Variants in MYO5C observed in about 807,000 individuals in gnomAD.
The protein encoded by MYO5C is myosin VC.
A neutral mutation model predicts 235.7 loss-of-function variants in MYO5C; 194 were observed. The ratio of observed to expected loss-of-function variants is 0.82; its 90% confidence interval spans 0.73 to 0.93. The LOEUF is 0.93. Among genes scored for constraint, MYO5C ranks in the 40% least tolerant of loss-of-function variants. The pLI, the probability that MYO5C is intolerant of heterozygous loss-of-function variation, is 0.00. For missense variants in MYO5C, 2,038 were observed against 2,127.2 expected, an observed-to-expected ratio of 0.96 and a Z score of 0.82; for synonymous variants, 707 against 754.8, an observed-to-expected ratio of 0.94 and a Z score of 1.04.
chr15:52,282,379 A>C (rs1367725003), intron 2 of MYO5C, among the ~76,000 whole-genome samples: 3 of 152,052 alleles, frequency 2.0e-5, no homozygotes, highest in African/African-American at 7.2e-5. Context: ...TTTCTCTACC[A>C]GCGTATGCCT....
At chr15:52,196,196 C>T (rs1190634112) in intron 39 of MYO5C, 113 bp downstream of exon 39, 9 of 1,002,314 alleles carry the variant, frequency 9.0e-6, no homozygotes, top group East Asian at 2.7e-5. Flanking sequence ...GGTATGCTCC[C>T]GAGAGTACAC....
At chr15:52,290,195 C>T (rs2037357151) in intron 1 of MYO5C, among the ~76,000 whole-genome samples, 3 of 152,182 alleles carry the variant, frequency 2.0e-5, no homozygotes, top group Admixed American at 2.0e-4. Context: ...CTTCCCATAA[C>T]TAGCACTCCA....
At chr15:52,267,006 T>C (rs1382291016) in intron 8 of MYO5C, among the ~76,000 whole-genome samples, 1 of 152,242 alleles carries the variant, frequency 6.6e-6, no homozygotes, top group Non-Finnish European at 1.5e-5. Flanking sequence ...CTTCTAAGTC[T>C]GTGCACAGGC....
chr15:52,273,193 T>C (rs7165061), intron 5 of MYO5C, among the ~76,000 whole-genome samples: 3,952 of 152,034 alleles, frequency 0.026, 176 homozygotes, highest in African/African-American at 0.09. Context: ...CATGGTGGTG[T>C]GTGCCTGTAG....
At chr15:52,247,101 T>C in intron 15 of MYO5C, 87 bp from the exon 16 acceptor site, 1 of 1,152,178 alleles carries the variant, frequency 8.7e-7, no homozygotes, top group Non-Finnish European at 1.3e-6. Flanking sequence ...CTTGTTAAGT[T>C]ACTCAATAGG....
intron 1 of MYO5C, among the ~76,000 whole-genome samples, chr15:52,285,125 T>C (rs201671149): frequency 5.3e-5 from 8 of 152,180 alleles, no homozygotes; most frequent in African/African-American, 1.9e-4. Context: ...CCCAGCACTT[T>C]GGGAGACCCA....
intron 13 of MYO5C, 76 bp from the exon 14 acceptor site, chr15:52,248,859 T>C: frequency 4.9e-6 from 5 of 1,018,940 alleles, no homozygotes; most frequent in African/African-American, 3.3e-5. Flanking sequence ...TCATCTCTTT[T>C]TTAAGAAAGA....
intron 2 of MYO5C, 111 bp downstream of exon 2, chr15:52,282,671 C>G (rs576690692): frequency 2.2e-5 from 16 of 732,756 alleles, no homozygotes; most frequent in African/African-American, 5.1e-5. Context: ...GGTGCCCACT[C>G]GTGCGCCCTC....
At chr15:52,199,735 C>G (rs187787452) in intron 38 of MYO5C, among the ~76,000 whole-genome samples, 1 of 152,222 alleles carries the variant, frequency 6.6e-6, no homozygotes, top group East Asian at 1.9e-4. Context: ...GCAGTGGTGG[C>G]GAAGGAGGCC....
At chr15:52,196,836 C>G (rs977238199) in intron 38 of MYO5C, among the ~76,000 whole-genome samples, 3 of 152,192 alleles carry the variant, frequency 2.0e-5, no homozygotes, top group Non-Finnish European at 4.4e-5. Context: ...TTTTCTTTTT[C>G]CTGAATTGGC....
chr15:52,229,455 C>A, intron 24 of MYO5C, 142 bp from the exon 25 acceptor site: 1 of 716,224 alleles, frequency 1.4e-6, no homozygotes, highest in Non-Finnish European at 2.2e-6. Context: ...GAGACCCCGT[C>A]CCCACTAAAA....
At chr15:52,248,452 G>T (rs2036400457) in intron 14 of MYO5C, among the ~76,000 whole-genome samples, 1 of 152,162 alleles carries the variant, frequency 6.6e-6, no homozygotes, top group Non-Finnish European at 1.5e-5. Context: ...GGCTGGAATT[G>T]TGATTCTTCA....
Position 52,204,845 on chromosome 15 carries a change from C to G in MYO5C, c.4820+20G>C. ...CTTTCTGCAGGCCTCTCCGCGTGAG[C>G]GGAGGTTTCTGGGTTTTACCTGATC... On this transcript the variant is annotated intron_variant, in intron 38 of 40. Coordinates refer to ENST00000261839, the MANE Select transcript of MYO5C (RefSeq NM_018728.4). 2 of 1,610,322 alleles carry G rather than the reference C, an allele frequency of 1.2e-6. No homozygotes were observed. The highest frequency in any genetic ancestry group is 3.3e-4 in the Middle Eastern group (2 of 6,052).
intron 32 of MYO5C, among the ~76,000 whole-genome samples, chr15:52,216,518 C>T (rs1455604438): frequency 6.6e-6 from 1 of 152,026 alleles, no homozygotes; most frequent in African/African-American, 2.4e-5. Context: ...AGGCCCAGGT[C>T]TCTGTTAATT....
intron 1 of MYO5C, among the ~76,000 whole-genome samples, chr15:52,288,614 A>G (rs554487644): frequency 4.1e-4 from 63 of 152,282 alleles, no homozygotes; most frequent in African/African-American, 1.5e-3. Flanking sequence ...TCTACCCACA[A>G]AGCAATGCTT....
chr15:52,277,788 G>C, intron 4 of MYO5C: 1 of 453,704 alleles, frequency 2.2e-6, no homozygotes, highest in Non-Finnish European at 4.4e-6. Flanking sequence ...AAGAAGCTCG[G>C]TCTAGCCCCA....
chr15:52,294,449 C>T (rs1348125687), intron 1 of MYO5C, among the ~76,000 whole-genome samples: 3 of 152,206 alleles, frequency 2.0e-5, no homozygotes, highest in African/African-American at 7.2e-5. Context: ...AGTTCGGTTG[C>T]TTTGTGTCCG....
intron 20 of MYO5C, 96 bp downstream of exon 20, chr15:52,241,952 G>T: frequency 7.6e-7 from 1 of 1,324,062 alleles, no homozygotes; most frequent in Non-Finnish European, 1.0e-6. Flanking sequence ...TACAAAGTGA[G>T]GTTGCCCATA....
intron 10 of MYO5C, among the ~76,000 whole-genome samples, chr15:52,258,485 C>T (rs2036626554): frequency 6.6e-6 from 1 of 152,190 alleles, no homozygotes; most frequent in South Asian, 2.1e-4. Context: ...GAGTCACCAG[C>T]CTTCATTCAC....
Sources: allele counts gnomAD v4.1 joint callset (sites outside exome capture counted in the v4.1 genomes callset), GRCh38; gene constraint gnomAD v4.1.1; transcripts MANE v1.5; gene names NCBI Gene and HGNC (gene_info 2026-07-23, HGNC 2026-07-21).